Variants in XKR4 observed in about 807,000 individuals in gnomAD.
The protein encoded by XKR4 is XK-related protein 4.
A neutral mutation model predicts 53.9 loss-of-function variants in XKR4; 12 were observed. The ratio of observed to expected loss-of-function variants is 0.22; its 90% CI spans 0.14 to 0.36. The LOEUF (loss-of-function observed/expected upper bound fraction) is 0.36. Ranked by LOEUF, XKR4 falls within the 10% of genes least tolerant of loss-of-function variation. XKR4 has a pLI of 1.00. For missense variants in XKR4, 799 were observed against 859.5 expected, an observed-to-expected ratio of 0.93 and a Z score of 0.88; for synonymous variants, 354 against 362.4, an observed-to-expected ratio of 0.98 and a Z score of 0.26.
At chr8:55,428,579 C>T (rs187986819) in intron 2 of XKR4, among the ~76,000 whole-genome samples, 2 of 152,184 alleles carry the variant, frequency 1.3e-5, no homozygotes, top group Non-Finnish European at 2.9e-5. Flanking sequence ...GAGAAGAAGT[C>T]CGGACTTTCA....
At chr8:55,510,263 T>C (rs1440653230) in intron 2 of XKR4, among the ~76,000 whole-genome samples, 1 of 151,488 alleles carries the variant, frequency 6.6e-6, no homozygotes, top group African/African-American at 2.4e-5. Flanking sequence ...GTCCTTCAGG[T>C]GGAGAAAGGA....
chr8:55,305,933 A>G (rs770179583), intron 1 of XKR4, among the ~76,000 whole-genome samples: 9 of 152,230 alleles, frequency 5.9e-5, no homozygotes, highest in Non-Finnish European at 1.2e-4. Flanking sequence ...CCATGTAAGT[A>G]AAAGTTAGTT....
intron 1 of XKR4, among the ~76,000 whole-genome samples, chr8:55,204,950 G>A (rs993638565): frequency 6.6e-6 from 1 of 152,176 alleles, no homozygotes; most frequent in Non-Finnish European, 1.5e-5. Flanking sequence ...AAGGCAGCTG[G>A]GTGGGCCCTT....
chr8:55,122,399 G>A (rs1380920548), intron 1 of XKR4, among the ~76,000 whole-genome samples: 1 of 152,102 alleles, frequency 6.6e-6, no homozygotes, highest in East Asian at 1.9e-4. Context: ...AATTTTACAT[G>A]ATGCATTATG....
intron 2 of XKR4, among the ~76,000 whole-genome samples, chr8:55,361,571 A>G (rs559904049): frequency 1.3e-5 from 2 of 152,022 alleles, no homozygotes; most frequent in African/African-American, 4.8e-5. Context: ...TGGATAGCCC[A>G]CAGCTTCATC....
At chr8:55,168,361 A>C (rs146741361) in intron 1 of XKR4, among the ~76,000 whole-genome samples, 183 of 152,288 alleles carry the variant, frequency 1.2e-3, no homozygotes, top group Non-Finnish European at 2.3e-3. Context: ...AGATGAGTGA[A>C]TCCAATATCA....
chr8:55,435,202 GT>G (rs1399240053), intron 2 of XKR4, among the ~76,000 whole-genome samples: 1 of 152,180 alleles, frequency 6.6e-6, no homozygotes, highest in African/African-American at 2.4e-5. Flanking sequence ...AAAACATTCA[GT>G]CCGCTTATAG....
chr8:55,424,770 T>C (rs1284920739), intron 2 of XKR4, among the ~76,000 whole-genome samples: 2 of 152,214 alleles, frequency 1.3e-5, no homozygotes, highest in Non-Finnish European at 2.9e-5. Context: ...TGTTGATGAA[T>C]AGAGTTCAGT....
At chr8:55,484,155 G>A (rs1160225277) in intron 2 of XKR4, among the ~76,000 whole-genome samples, 1 of 152,078 alleles carries the variant, frequency 6.6e-6, no homozygotes, top group Non-Finnish European at 1.5e-5. Context: ...GACTTGAATA[G>A]CCCCATATCT....
At chr8:55,513,386 A>G (rs1358929554) in intron 2 of XKR4, among the ~76,000 whole-genome samples, 1 of 152,136 alleles carries the variant, frequency 6.6e-6, no homozygotes, top group Non-Finnish European at 1.5e-5. Context: ...AGAACAGCTA[A>G]ATTTCCATCT....
chr8:55,493,772 A>ACCCCCC (rs1030449179), intron 2 of XKR4, among the ~76,000 whole-genome samples: 8 of 152,322 alleles, frequency 5.3e-5, no homozygotes, highest in South Asian at 4.1e-4. Context: ...TGTGCCCTTT[A>ACCCCCC]CCCAATAGTG....
chr8:55,419,598 T>C (rs1804896126), intron 2 of XKR4, among the ~76,000 whole-genome samples: 1 of 152,254 alleles, frequency 6.6e-6, no homozygotes, highest in African/African-American at 2.4e-5. Flanking sequence ...ACAGGAGTGA[T>C]ACATTCTTAA....
chr8:55,450,823 C>A, intron 2 of XKR4: 1 of 497,886 alleles, frequency 2.0e-6, no homozygotes, highest in East Asian at 4.8e-5. Context: ...GGTGATGTCC[C>A]AGCCGTCCTC....
At chr8:55,194,456 G>A (rs1298321762) in intron 1 of XKR4, among the ~76,000 whole-genome samples, 3 of 152,098 alleles carry the variant, frequency 2.0e-5, no homozygotes, top group East Asian at 3.9e-4. Context: ...ACGATTGCAG[G>A]ACATTATTCT....
intron 2 of XKR4, among the ~76,000 whole-genome samples, chr8:55,395,204 G>A (rs561509239): frequency 2.0e-5 from 3 of 152,146 alleles, no homozygotes; most frequent in African/African-American, 7.2e-5. Context: ...GGAATTGTTC[G>A]AGGAAACTCC....
chr8:55,296,103 AT>A (rs1819097157), intron 1 of XKR4, among the ~76,000 whole-genome samples: 1 of 152,166 alleles, frequency 6.6e-6, no homozygotes, highest in African/African-American at 2.4e-5. Context: ...GGTTCCTTAC[AT>A]TTTGTTGCTC....
At chr8:55,451,720 A>G in intron 2 of XKR4, 1 of 1,273,954 alleles carries the variant, frequency 7.8e-7, no homozygotes, top group South Asian at 1.2e-5. Context: ...GCGGTTGACC[A>G]GAGAAATGCG....
chr8:55,194,260 G>A (rs887264583), intron 1 of XKR4, among the ~76,000 whole-genome samples: 1 of 152,194 alleles, frequency 6.6e-6, no homozygotes, highest in African/African-American at 2.4e-5. Context: ...TTTTAGCCAT[G>A]GAGACGTTCC....
At chr8:55,291,207 T>A (rs1365941849) in intron 1 of XKR4, among the ~76,000 whole-genome samples, 3 of 152,190 alleles carry the variant, frequency 2.0e-5, no homozygotes, top group Non-Finnish European at 4.4e-5. Flanking sequence ...AGATTCCATA[T>A]TCTTTTCCAT....
Sources: allele counts gnomAD v4.1 joint callset (sites outside exome capture counted in the v4.1 genomes callset), GRCh38; gene constraint gnomAD v4.1.1; transcripts MANE v1.5; gene names NCBI Gene and HGNC (gene_info 2026-07-23, HGNC 2026-07-21).